Variants in SBF2 observed in about 807,000 individuals in gnomAD.
SBF2 encodes myotubularin-related protein 13.
Under a neutral mutation model 225.2 loss-of-function variants are expected in SBF2, and 112 were observed. The observed-to-expected ratio is 0.50, with a 90% confidence interval of 0.43 to 0.58. The LOEUF is 0.58. SBF2 is among the 20% of genes least tolerant of loss of function. SBF2 has a pLI of 0.00. For synonymous variants in SBF2, 763 were observed against 773.3 expected (o/e 0.99, Z 0.22); for missense variants, 1,996 against 2,206.2 (o/e 0.90, Z 1.91).
At chr11:10,202,556 C>A (rs889307208) in intron 1 of SBF2, among the ~76,000 whole-genome samples, 1 of 152,162 alleles carries the variant, frequency 6.6e-6, no homozygotes, top group African/African-American at 2.4e-5. Context: ...GAGGCCGAGG[C>A]GGGTGGATCA....
At chr11:10,175,334 A>G (rs908406234) in intron 2 of SBF2, among the ~76,000 whole-genome samples, 4 of 151,544 alleles carry the variant, frequency 2.6e-5, no homozygotes, top group Middle Eastern at 3.2e-3. Flanking sequence ...AAGCAAATGG[A>G]AAACAAAAAA....
At chr11:10,054,726 G>A (rs561519016) in intron 2 of SBF2, among the ~76,000 whole-genome samples, 5 of 151,540 alleles carry the variant, frequency 3.3e-5, no homozygotes, top group South Asian at 2.1e-4. Flanking sequence ...ACAAATAATC[G>A]TATTAAAAAG....
chr11:10,167,267 T>A (rs1438437191), intron 2 of SBF2, among the ~76,000 whole-genome samples: 1 of 152,154 alleles, frequency 6.6e-6, no homozygotes, highest in Non-Finnish European at 1.5e-5. Context: ...CATAATATAC[T>A]TCACATTAAA....
chr11:10,270,723 G>C (rs1360023877), intron 1 of SBF2, among the ~76,000 whole-genome samples: 2 of 152,108 alleles, frequency 1.3e-5, no homozygotes, highest in Admixed American at 6.5e-5. Flanking sequence ...GACGGGCGCG[G>C]TGGCTCACGC....
Position 10,053,505 on chromosome 11 carries a change from A to G in SBF2, c.142-10524T>C, listed in dbSNP as rs189788172. Among the ~76,000 whole-genome samples, 7 of 152,318 alleles carry G rather than the reference A, an allele frequency of 4.6e-5. No homozygotes were observed. The East Asian group carries it at 1.3e-3, about 29-fold the overall frequency. The stretch of plus-strand genomic sequence containing the variant: ...AGAAGAACTGATTTGTGAATAAAGT[A>G]ACAGAAGCTTTAGGAGACTGAAGTC... On this transcript the variant is annotated intron_variant, in intron 2 of 39. Coordinates refer to ENST00000256190, the MANE Select transcript of SBF2 (RefSeq NM_030962.4).
At chr11:10,118,940 A>AC (rs902782490) in intron 2 of SBF2, among the ~76,000 whole-genome samples, 93 of 152,002 alleles carry the variant, frequency 6.1e-4, no homozygotes, top group African/African-American at 9.6e-4. Context: ...AAACAAACAA[A>AC]AAAAAAACAC....
At position 10,303,846 on chromosome 11, in the gene SBF2, G is replaced by A. The variant is rs968726114; in HGVS notation, n.386+646C>T. On this transcript the variant is annotated intron_variant and non_coding_transcript_variant, in intron 1 of 5. Transcript: ENST00000685217. The surrounding 1 kb of genome is among the most constrained non-coding windows in gnomAD (Gnocchi z 5.2). ...GCCCCCAGGAGAGAAGTAAGAAAGA[G>A]AAGAAGCTGTGATGAAAGAGCACAA... is the stretch of plus-strand genomic sequence containing the variant. 4 of 152,376 alleles carry A rather than the reference G, an allele frequency of 2.6e-5. No individual in the cohort carries two copies. The highest frequency in any genetic ancestry group is 5.9e-5 in the Non-Finnish European group (4 of 68,154). The allele number at this position is 152,376 out of a possible 1,614,324, so 9.4% of individuals were successfully genotyped here. A position where few individuals can be genotyped will look rare whatever the true frequency, so the allele number is the denominator to read the frequency against.
intron 1 of SBF2, among the ~76,000 whole-genome samples, chr11:10,198,945 T>G (rs1209272909): frequency 3.3e-5 from 5 of 152,196 alleles, no homozygotes; most frequent in Admixed American, 2.6e-4. Flanking sequence ...ATTTCATCTA[T>G]CCAAACCACT....
intron 25 of SBF2, among the ~76,000 whole-genome samples, chr11:9,841,036 T>C (rs552025498): frequency 6.6e-6 from 1 of 152,184 alleles, no homozygotes; most frequent in Admixed American, 6.5e-5. Flanking sequence ...AGACATCAAA[T>C]CAAGCTTTCA....
chr11:9,986,358 G>A (rs1015575734), intron 13 of SBF2, among the ~76,000 whole-genome samples: 3 of 151,892 alleles, frequency 2.0e-5, no homozygotes, highest in African/African-American at 4.8e-5. Flanking sequence ...ACAATCTAAG[G>A]TCATACCTCA....
At chr11:10,034,366 A>G (rs1010433119) in intron 3 of SBF2, among the ~76,000 whole-genome samples, 1 of 152,220 alleles carries the variant, frequency 6.6e-6, no homozygotes, top group Non-Finnish European at 1.5e-5. Flanking sequence ...TAAAAGTGCT[A>G]CTGCTCTTAA....
chr11:9,851,060 T>C (rs537951652), intron 21 of SBF2, among the ~76,000 whole-genome samples: 77 of 141,768 alleles, frequency 5.4e-4, no homozygotes, highest in South Asian at 1.3e-3. Flanking sequence ...CGCTTGAACC[T>C]GGGAGGGGGA....
At chr11:9,874,292 C>G (rs1859034665) in intron 17 of SBF2, among the ~76,000 whole-genome samples, 1 of 152,076 alleles carries the variant, frequency 6.6e-6, no homozygotes, top group Non-Finnish European at 1.5e-5. Context: ...TTTTCTACTT[C>G]TTACTAGATG....
intron 33 of SBF2, among the ~76,000 whole-genome samples, chr11:9,791,422 A>G (rs1044044053): frequency 8.8e-5 from 1 of 11,360 alleles, no homozygotes; most frequent in Admixed American, 1.2e-3. Flanking sequence ...CCAGTTTATC[A>G]AAAAAAAAAA....
Position 9,785,296 on chromosome 11 carries a change from G to C in SBF2, c.5060C>G (p.Ser1687Cys), listed in dbSNP as rs755772741. ...TDRSQRHLSR[S>C]PGIVSTNLPS... ...TAGGTTGGTAGACACAATTCCTGGG[G>C]ATCTCGACAGGTGTCTTTGGGACTG... The change falls in exon 37 of 40, where the codon TCC becomes TGC. Residue 1687 changes from serine to cysteine, a missense_variant. Transcript: ENST00000256190. 1 of 1,614,168 alleles carries C rather than the reference G, an allele frequency of 6.2e-7. No homozygotes were observed. The highest frequency in any genetic ancestry group is 1.1e-5 in the South Asian group (1 of 91,080).
chr11:10,120,827 T>C (rs1271241491), intron 2 of SBF2, among the ~76,000 whole-genome samples: 2 of 152,140 alleles, frequency 1.3e-5, no homozygotes, highest in African/African-American at 4.8e-5. Context: ...ACCATGTTGA[T>C]TAGGCTGGTC....
At chr11:10,022,655 T>C (rs1948905142) in intron 6 of SBF2, among the ~76,000 whole-genome samples, 1 of 151,874 alleles carries the variant, frequency 6.6e-6, no homozygotes, top group Non-Finnish European at 1.5e-5. Flanking sequence ...TTTTATTTAA[T>C]ATTTATCCAC....
At chr11:10,069,066 T>A (rs1183809189) in intron 2 of SBF2, among the ~76,000 whole-genome samples, 1 of 152,208 alleles carries the variant, frequency 6.6e-6, no homozygotes, top group Non-Finnish European at 1.5e-5. Flanking sequence ...TGTGTGCATA[T>A]AAATATTCAG....
intron 1 of SBF2, among the ~76,000 whole-genome samples, chr11:10,256,387 T>G (rs1225087660): frequency 2.0e-5 from 3 of 152,216 alleles, no homozygotes; most frequent in Non-Finnish European, 4.4e-5. Context: ...AAAGATAAGA[T>G]TGATTTAATT....
Sources: allele counts gnomAD v4.1 joint callset (sites outside exome capture counted in the v4.1 genomes callset), GRCh38; gene constraint gnomAD v4.1.1; non-coding constraint Gnocchi (gnomAD v3.1); transcripts MANE v1.5; gene names NCBI Gene and HGNC (gene_info 2026-07-23, HGNC 2026-07-21).